SNX30: variants seen among roughly 807,000 people sequenced by gnomAD.
SNX30 encodes sorting nexin family member 30, also known as sorting nexin-30.
A neutral mutation model predicts 46.4 loss-of-function variants in SNX30; 24 were observed. The ratio of observed to expected loss-of-function variants is 0.52; its 90% confidence interval spans 0.37 to 0.73. The LOEUF is 0.73. SNX30 is among the 30% of genes least tolerant of loss of function. The probability of loss-of-function intolerance (pLI) is 0.00; values close to 1 mark genes in which losing one functional copy is unlikely to be tolerated. For missense variants in SNX30, 533 were observed against 555.7 expected, an observed-to-expected ratio of 0.96 and a Z score of 0.41; for synonymous variants, 189 against 211.5, an observed-to-expected ratio of 0.89 and a Z score of 0.92.
chr9:112,834,883 C>CACACACACACACACACACACACA (rs1840727674), intron 4 of SNX30, among the ~76,000 whole-genome samples: 2 of 66,340 alleles, frequency 3.0e-5, no homozygotes, highest in African/African-American at 1.5e-4. Flanking sequence ...CACACACACA[C>CACACACACACACACACACACACA]CTACCTCAAT....
chr9:112,791,398 AC>A (rs1840018189), intron 1 of SNX30, among the ~76,000 whole-genome samples: 2 of 39,950 alleles, frequency 5.0e-5, no homozygotes, highest in South Asian at 1.8e-3. Context: ...ATATTTAGGA[AC>A]TTTTTTTTTT....
At chr9:112,808,521 G>A (rs868139856) in intron 2 of SNX30, among the ~76,000 whole-genome samples, 1 of 152,124 alleles carries the variant, frequency 6.6e-6, no homozygotes, top group African/African-American at 2.4e-5. Context: ...CATCATAACA[G>A]CAGCTAGTTA....
intron 7 of SNX30, among the ~76,000 whole-genome samples, chr9:112,855,212 T>G (rs1321389121): frequency 2.6e-5 from 4 of 151,628 alleles, no homozygotes; most frequent in African/African-American, 9.7e-5. Context: ...CTGCTGTTGA[T>G]GAGATTTTTT....
At chr9:112,812,170 C>T (rs1407527529) in intron 2 of SNX30, among the ~76,000 whole-genome samples, 1 of 152,104 alleles carries the variant, frequency 6.6e-6, no homozygotes, top group East Asian at 1.9e-4. Flanking sequence ...TTGTATTTTA[C>T]CTATCACTAT....
intron 1 of SNX30, among the ~76,000 whole-genome samples, chr9:112,753,129 G>C (rs527810764): frequency 1.3e-5 from 2 of 152,256 alleles, no homozygotes; most frequent in East Asian, 1.9e-4. Context: ...CAAGAGGTGG[G>C]GATCATTGGG....
At chr9:112,775,543 TG>T (rs1372236489) in intron 1 of SNX30, among the ~76,000 whole-genome samples, 237 of 3,306 alleles carry the variant, frequency 0.072, 2 homozygotes, top group Middle Eastern at 0.25. Flanking sequence ...ATTTTAAATT[TG>T]TGTGTGTGTG....
chr9:112,795,988 C>T (rs970816022), intron 1 of SNX30, among the ~76,000 whole-genome samples: 1 of 152,114 alleles, frequency 6.6e-6, no homozygotes, highest in Non-Finnish European at 1.5e-5. Flanking sequence ...GGGATTCAAG[C>T]AGATTCCTGG....
rs972786811 is a variant in SNX30, at chr9:112,855,552, C to T, written c.1101+4607C>T. On this transcript the variant is annotated intron_variant, in intron 7 of 8. Coordinates refer to ENST00000374232, the MANE Select transcript of SNX30 (RefSeq NM_001012994.2). ...AGTGGCCTCATGTCTTCACAACCTT[C>T]CCTGTGAATTTCAACGTGGGGTGAT... Among the ~76,000 whole-genome samples the T allele has an allele frequency of 3.3e-5, 5 of 152,162 alleles. No individual in the cohort carries two copies. The South Asian group carries it at 1.0e-3, about 31-fold the overall frequency.
intron 8 of SNX30, among the ~76,000 whole-genome samples, chr9:112,865,553 G>A (rs1841311091): frequency 6.7e-6 from 1 of 149,296 alleles, no homozygotes; most frequent in Non-Finnish European, 1.5e-5. Flanking sequence ...GGAGTTCAAG[G>A]CTACAGTGAG....
At chr9:112,757,085 C>T (rs1588104568) in intron 1 of SNX30, among the ~76,000 whole-genome samples, 1 of 152,210 alleles carries the variant, frequency 6.6e-6, no homozygotes, top group African/African-American at 2.4e-5. Flanking sequence ...TACATTAGAT[C>T]TCCAGACTTG....
At chr9:112,776,815 C>G (rs1166976245) in intron 1 of SNX30, among the ~76,000 whole-genome samples, 1 of 152,176 alleles carries the variant, frequency 6.6e-6, no homozygotes, top group African/African-American at 2.4e-5. Flanking sequence ...GATAACAGGA[C>G]AGCAGGCTGG....
intron 1 of SNX30, among the ~76,000 whole-genome samples, chr9:112,797,524 A>G (rs1406680830): frequency 6.6e-6 from 1 of 152,112 alleles, no homozygotes; most frequent in Non-Finnish European, 1.5e-5. Context: ...ATTTTAAAAG[A>G]TGAAGATTTT....
chr9:112,865,008 C>CACACACAT (rs1554757253), intron 8 of SNX30, among the ~76,000 whole-genome samples: 2 of 148,292 alleles, frequency 1.3e-5, no homozygotes, highest in African/African-American at 2.5e-5. Flanking sequence ...CACACACCCA[C>CACACACAT]ACACCCCACT....
At chr9:112,787,519 C>T (rs1009237867) in intron 1 of SNX30, among the ~76,000 whole-genome samples, 2 of 151,992 alleles carry the variant, frequency 1.3e-5, no homozygotes, top group African/African-American at 4.8e-5. Flanking sequence ...TCAGGTAGGT[C>T]GAAATGTATT....
downstream of SNX30, among the ~76,000 whole-genome samples, chr9:112,884,409 C>G (rs1450348176): frequency 6.6e-6 from 1 of 152,208 alleles, no homozygotes; most frequent in African/African-American, 2.4e-5. Context: ...GATGGTACAG[C>G]CTTGGCCCCT....
At chr9:112,857,377 A>G (rs1841151024) in intron 7 of SNX30, among the ~76,000 whole-genome samples, 2 of 152,078 alleles carry the variant, frequency 1.3e-5, no homozygotes. Flanking sequence ...TTTTCACCTC[A>G]CAGCTCAAAT....
intron 1 of SNX30, among the ~76,000 whole-genome samples, chr9:112,766,277 A>T (rs1372054667): frequency 6.6e-6 from 1 of 151,976 alleles, no homozygotes; most frequent in Non-Finnish European, 1.5e-5. Context: ...GGTGAATAAT[A>T]CTTCATTTTA....
chr9:112,816,933 T>C (rs887043037), intron 2 of SNX30, among the ~76,000 whole-genome samples: 3 of 152,202 alleles, frequency 2.0e-5, no homozygotes, highest in African/African-American at 7.2e-5. Flanking sequence ...AACATTGATT[T>C]TCATTATTAA....
At chr9:112,827,670 T>C (rs930657817) in intron 3 of SNX30, among the ~76,000 whole-genome samples, 1 of 152,200 alleles carries the variant, frequency 6.6e-6, no homozygotes, top group African/African-American at 2.4e-5. Context: ...CTATGTCTTA[T>C]TTCTGGTTTG....
Sources: allele counts gnomAD v4.1 joint callset (sites outside exome capture counted in the v4.1 genomes callset), GRCh38; gene constraint gnomAD v4.1.1; transcripts MANE v1.5; gene names NCBI Gene and HGNC (gene_info 2026-07-23, HGNC 2026-07-21).